The following TNS1 variants were observed in gnomAD, a reference collection of about 807,000 sequenced individuals.
TNS1 encodes tensin-1.
In TNS1, 62 loss-of-function variants were observed where a neutral mutation model predicts 168.6. The observed-to-expected ratio is 0.37, with a 90% CI of 0.30 to 0.45. The LOEUF (loss-of-function observed/expected upper bound fraction) is 0.45, where lower values mean the gene tolerates loss of function less well. Among genes scored for constraint, TNS1 ranks in the 20% least tolerant of loss-of-function variants. The pLI is 1.00. For synonymous variants in TNS1, 934 were observed against 933.2 expected (o/e 1.00, Z -0.02); for missense variants, 2,240 against 2,339.4 (o/e 0.96, Z 0.88).
chr2:218,025,502 G>A lies in TNS1; in HGVS notation c.156+8318C>T, dbSNP rs552512172. ...TGCCCTCAGGTGATCTGCCCACCTCGGCCTCCCAAAGTGCTGGTATTACAG... is the reference window on the plus strand; with the variant it reads ...TGCCCTCAGGTGATCTGCCCACCTCAGCCTCCCAAAGTGCTGGTATTACAG... On this transcript the variant is annotated intron_variant, in intron 1 of 1. Transcript: ENST00000649572. Among the ~76,000 whole-genome samples the A allele has an allele frequency of 4.6e-5, 7 of 152,052 alleles. 1 individual carries two copies. The highest frequency in any genetic ancestry group is 4.2e-4 in the South Asian group (2 of 4,816).
intron 18 of TNS1, among the ~76,000 whole-genome samples, chr2:217,870,299 T>C (rs1301278017): frequency 6.6e-6 from 1 of 152,142 alleles, no homozygotes; most frequent in African/African-American, 2.4e-5. Context: ...GGCACAGCTT[T>C]CTATATCCCC....
intron 16 of TNS1, 111 bp from the exon 17 acceptor site, chr2:217,882,522 TATA>T (rs1464182803): frequency 3.3e-5 from 20 of 610,118 alleles, no homozygotes; most frequent in Non-Finnish European, 5.1e-5. Flanking sequence ...TGGTTAATAA[TATA>T]ATAATAATCA....
intron 1 of TNS1, among the ~76,000 whole-genome samples, chr2:217,999,387 C>A (rs1958522671): frequency 6.6e-6 from 1 of 152,194 alleles, no homozygotes; most frequent in South Asian, 2.1e-4. Context: ...GTGGGGAAAC[C>A]AAAGCACAGA....
Position 217,898,396 on chromosome 2 carries a change from G to T in TNS1, c.372-427C>A, listed in dbSNP as rs529278715. On this transcript the variant is annotated intron_variant, in intron 7 of 32. Transcript: ENST00000682258. ...CCCCAGACTGCTCTGGAAGAGGAAG[G>T]AGAGCCTGCGCTGGGCGCTCTCCAG... Among the ~76,000 whole-genome samples, 17 of 152,324 alleles carry T rather than the reference G, an allele frequency of 1.1e-4. No homozygotes were observed. In the South Asian group the frequency reaches 3.5e-3, roughly 32 times the overall value.
intron 28 of TNS1, among the ~76,000 whole-genome samples, 184 bp from the exon 29 acceptor site, chr2:217,810,503 A>T (rs113311422): frequency 0.014 from 2,109 of 152,338 alleles, 18 homozygotes; most frequent in Admixed American, 0.02. Flanking sequence ...AGCAGCCAGC[A>T]CACTGGTTGT....
chr2:217,916,928 G>A (rs1023303983), intron 4 of TNS1, among the ~76,000 whole-genome samples: 4 of 152,196 alleles, frequency 2.6e-5, no homozygotes, highest in African/African-American at 9.7e-5. Flanking sequence ...CAGGGAGGCC[G>A]GAGAGCAGCC....
At chr2:218,028,037 A>G (rs1184549179) in intron 1 of TNS1, among the ~76,000 whole-genome samples, 5 of 152,248 alleles carry the variant, frequency 3.3e-5, no homozygotes, top group African/African-American at 1.2e-4. Flanking sequence ...AGGAAGGCCC[A>G]GACAAGCTGG....
At chr2:217,952,468 C>CCACA (rs3055028) in intron 3 of TNS1, among the ~76,000 whole-genome samples, 5 of 149,916 alleles carry the variant, frequency 3.3e-5, no homozygotes, top group East Asian at 1.9e-4. Flanking sequence ...CTCTCCCGCG[C>CCACA]CACACACACA....
intron 4 of TNS1, among the ~76,000 whole-genome samples, chr2:217,909,109 G>A (rs1369461997): frequency 9.7e-4 from 6 of 6,212 alleles, no homozygotes; most frequent in East Asian, 3.7e-3. Flanking sequence ...CCCCCTCCCC[G>A]CTAAAGCAGT....
At chr2:217,833,535 C>G (rs1162160808) in intron 21 of TNS1, among the ~76,000 whole-genome samples, 1 of 152,226 alleles carries the variant, frequency 6.6e-6, no homozygotes, top group East Asian at 1.9e-4. Context: ...GGCTTCCACC[C>G]AAGGCAAGGT....
At chr2:217,979,878 C>T (rs558442040) in intron 2 of TNS1, among the ~76,000 whole-genome samples, 1 of 152,248 alleles carries the variant, frequency 6.6e-6, no homozygotes, top group South Asian at 2.1e-4. Flanking sequence ...CAGCCATCCA[C>T]CTCCTTCTCC....
At chr2:217,962,136 G>T (rs970188468) in intron 3 of TNS1, among the ~76,000 whole-genome samples, 5 of 152,206 alleles carry the variant, frequency 3.3e-5, no homozygotes, top group Admixed American at 3.3e-4. Context: ...TGAATAAAAT[G>T]AGTAGATAAG....
intron 18 of TNS1, among the ~76,000 whole-genome samples, chr2:217,876,055 G>T (rs1950176530): frequency 6.6e-6 from 1 of 152,146 alleles, no homozygotes; most frequent in Non-Finnish European, 1.5e-5. Context: ...CCCCTCACTT[G>T]CCCAACCCCT....
At chr2:217,863,995 GC>G (rs1302168211) in intron 18 of TNS1, among the ~76,000 whole-genome samples, 1 of 152,172 alleles carries the variant, frequency 6.6e-6, no homozygotes, top group African/African-American at 2.4e-5. Flanking sequence ...GGCACCCCTG[GC>G]AGGGCCTCAG....
chr2:217,908,461 C>A (rs753792811), intron 4 of TNS1, among the ~76,000 whole-genome samples: 16 of 152,262 alleles, frequency 1.1e-4, no homozygotes, highest in Non-Finnish European at 1.5e-4. Context: ...AAGTGTGACC[C>A]AGGTTTAAGA....
intron 3 of TNS1, among the ~76,000 whole-genome samples, chr2:217,970,418 A>C (rs1031720305): frequency 2.6e-5 from 4 of 152,186 alleles, no homozygotes; most frequent in African/African-American, 9.7e-5. Context: ...AGAGAAATGA[A>C]AACAGATGTC....
chr2:217,824,631 T>C (rs551425014), intron 22 of TNS1, among the ~76,000 whole-genome samples: 57 of 152,238 alleles, frequency 3.7e-4, no homozygotes, highest in Admixed American at 7.8e-4. Flanking sequence ...AGTGAGTGTC[T>C]TTAGTCTTGG....
chr2:217,965,102 C>T (rs571218188), intron 3 of TNS1, among the ~76,000 whole-genome samples: 3 of 152,292 alleles, frequency 2.0e-5, no homozygotes, highest in East Asian at 1.9e-4. Flanking sequence ...TAAGGGAACG[C>T]GAACCACAGT....
intron 18 of TNS1, among the ~76,000 whole-genome samples, chr2:217,857,665 C>T (rs1023337978): frequency 8.5e-5 from 13 of 152,302 alleles, no homozygotes; most frequent in African/African-American, 2.9e-4. Context: ...ACTTCAGTCC[C>T]GAGAGACCAG....
Sources: allele counts gnomAD v4.1 joint callset (sites outside exome capture counted in the v4.1 genomes callset), GRCh38; gene constraint gnomAD v4.1.1; transcripts MANE v1.5; gene names NCBI Gene and HGNC (gene_info 2026-07-23, HGNC 2026-07-21).